The following SLIT1 variants were observed in gnomAD, a reference collection of about 807,000 sequenced individuals.
SLIT1 encodes slit guidance ligand 1, also known as slit homolog 1 protein.
In SLIT1, 66 loss-of-function variants were observed where a neutral mutation model predicts 186.1. The observed-to-expected ratio is 0.35, with a 90% CI of 0.29 to 0.44. The LOEUF is 0.44. Among genes scored for constraint, SLIT1 ranks in the 20% least tolerant of loss-of-function variants. The probability of loss-of-function intolerance (pLI) is 1.00; values close to 1 mark genes in which losing one functional copy is unlikely to be tolerated. For missense variants in SLIT1, 1,638 were observed against 2,037.4 expected (o/e 0.80, Z 3.77); for synonymous variants, 761 against 833.8 (o/e 0.91, Z 1.50).
At chr10:97,117,290 A>C (rs947726523) in intron 4 of SLIT1, among the ~76,000 whole-genome samples, 2 of 151,934 alleles carry the variant, frequency 1.3e-5, no homozygotes, top group Non-Finnish European at 2.9e-5. Context: ...TAAATTAAAA[A>C]AAATTACAGG....
intron 8 of SLIT1, among the ~76,000 whole-genome samples, chr10:97,061,823 G>T (rs1462237155): frequency 1.3e-5 from 2 of 152,172 alleles, no homozygotes; most frequent in Admixed American, 6.5e-5. Flanking sequence ...GAGCCTTAGT[G>T]GATCCTGCTA....
At chr10:97,071,338 G>T (rs1209419235) in intron 4 of SLIT1, among the ~76,000 whole-genome samples, 1 of 152,186 alleles carries the variant, frequency 6.6e-6, no homozygotes, top group Non-Finnish European at 1.5e-5. Flanking sequence ...GAGTCAGGAA[G>T]GCGGGACCTC....
chr10:97,084,449 C>T (rs2134657230), intron 4 of SLIT1, among the ~76,000 whole-genome samples: 1 of 152,342 alleles, frequency 6.6e-6, no homozygotes, highest in Middle Eastern at 3.4e-3. Flanking sequence ...GAGGGTTAAA[C>T]ACCATGGGCT....
At chr10:97,174,974 T>C (rs1850237494) in intron 1 of SLIT1, among the ~76,000 whole-genome samples, 1 of 152,248 alleles carries the variant, frequency 6.6e-6, no homozygotes, top group African/African-American at 2.4e-5. Context: ...TTAAAATGTA[T>C]ATATTCAGAT....
intron 1 of SLIT1, among the ~76,000 whole-genome samples, chr10:97,165,499 A>C (rs903312208): frequency 6.6e-6 from 1 of 152,124 alleles, no homozygotes; most frequent in African/African-American, 2.4e-5. Context: ...GAAGAACTGC[A>C]CACGACGGGG....
intron 13 of SLIT1, among the ~76,000 whole-genome samples, chr10:97,050,452 G>A (rs1411933786): frequency 1.3e-5 from 2 of 152,224 alleles, no homozygotes; most frequent in Non-Finnish European, 2.9e-5. Context: ...CTCCTTTGCA[G>A]TGTCTTTCCC....
intron 1 of SLIT1, among the ~76,000 whole-genome samples, chr10:97,180,063 G>T (rs1259789523): frequency 6.6e-6 from 1 of 152,078 alleles, no homozygotes; most frequent in Admixed American, 6.5e-5. Flanking sequence ...GGGCAGCCTG[G>T]GCCACCGACA....
Position 97,066,026 on chromosome 10 carries a change from G to T in SLIT1, c.474C>A (p.Asp158Glu). 1 of 1,603,732 alleles carries T rather than the reference G, an allele frequency of 6.2e-7. No individual in the cohort carries two copies. Among genetic ancestry groups the T allele is most frequent in the Non-Finnish European group, 8.5e-7 (1 of 1,174,172 alleles). The change falls in exon 5 of 37, where the codon GAC (aspartate) becomes GAA (glutamate). Residue 158 changes from aspartate (D) to glutamate (E), a missense_variant. Coordinates refer to ENST00000266058, the MANE Select transcript of SLIT1 (RefSeq NM_003061.3). ...AGGCCTGTACTCACAAATTTTTAAG[G>T]TCCGTAGCTCCCCGAAAAGCTTTCC... ...IPRKAFRGAT[D>E]LKNLQLDKNQ...
At chr10:97,045,509 T>C (rs886779824) in intron 18 of SLIT1, among the ~76,000 whole-genome samples, 5 of 152,242 alleles carry the variant, frequency 3.3e-5, no homozygotes, top group African/African-American at 4.8e-5. Flanking sequence ...TACCAACAAT[T>C]AACAGTGGTC....
chr10:97,124,545 G>C (rs112546239), intron 4 of SLIT1, among the ~76,000 whole-genome samples: 5 of 152,334 alleles, frequency 3.3e-5, no homozygotes, highest in South Asian at 2.1e-4. Flanking sequence ...ATGTACACTG[G>C]GGTGCGCACC....
intron 4 of SLIT1, among the ~76,000 whole-genome samples, chr10:97,067,992 C>T (rs1848965963): frequency 6.6e-6 from 1 of 152,188 alleles, no homozygotes; most frequent in Non-Finnish European, 1.5e-5. Flanking sequence ...ACGGTGTGCA[C>T]AGAGCCCTGA....
chr10:97,090,809 G>A (rs111374342), intron 4 of SLIT1, among the ~76,000 whole-genome samples: 55 of 152,344 alleles, frequency 3.6e-4, no homozygotes, highest in African/African-American at 8.9e-4. Context: ...GTCGTCCAGC[G>A]GGTGCTGGGC....
chr10:97,018,310 G>A (rs1848471541), intron 28 of SLIT1, among the ~76,000 whole-genome samples: 1 of 152,242 alleles, frequency 6.6e-6, no homozygotes, highest in Admixed American at 6.5e-5. Context: ...CCCACTCCAA[G>A]CCCTGCTCAA....
intron 4 of SLIT1, among the ~76,000 whole-genome samples, chr10:97,152,628 T>C (rs917661552): frequency 6.6e-6 from 1 of 152,210 alleles, no homozygotes; most frequent in Non-Finnish European, 1.5e-5. Context: ...AGGCATTTGC[T>C]TCACCTCAGA....
At chr10:97,031,755 G>A (rs1032666033) in intron 23 of SLIT1, 78 bp from the exon 24 acceptor site, 6 of 1,169,846 alleles carry the variant, frequency 5.1e-6, no homozygotes, top group Non-Finnish European at 7.4e-6. Context: ...CCAGGACGTG[G>A]AGGTCCCTCT....
chr10:97,125,533 C>CAAAA (rs34143370), intron 4 of SLIT1, among the ~76,000 whole-genome samples: 5 of 115,512 alleles, frequency 4.3e-5, no homozygotes, highest in East Asian at 2.5e-4. Context: ...GACCCTGTGT[C>CAAAA]AAAAAAAAAA....
intron 35 of SLIT1, 118 bp downstream of exon 35, chr10:97,002,586 T>G: frequency 1.9e-6 from 2 of 1,030,708 alleles, no homozygotes; most frequent in Non-Finnish European, 2.7e-6. Context: ...ATAAAAGTAA[T>G]AAAACCCTGG....
In SLIT1 at chr10:97,100,712, C is replaced by T. The variant is rs140303165; in HGVS notation, c.414-34626G>A. 6.9e-4 allele frequency among the ~76,000 whole-genome samples: 105 copies of T among 152,166 alleles called. 1 individual carries two copies. The highest frequency in any genetic ancestry group is 2.5e-3 in the African/African-American group (103 of 41,518). ...TAACAATAAAACCAATAATAAAAGT[C>T]AGTTCATTTTCATTAGCATCACACA... On this transcript the variant is annotated intron_variant, in intron 4 of 36. Coordinates refer to ENST00000266058, the MANE Select transcript of SLIT1 (RefSeq NM_003061.3).
At chr10:97,128,653 C>T (rs1201693379) in intron 4 of SLIT1, among the ~76,000 whole-genome samples, 1 of 152,274 alleles carries the variant, frequency 6.6e-6, no homozygotes, top group East Asian at 1.9e-4. Flanking sequence ...GAACCCAAAG[C>T]CTGGGCTGGC....
Sources: allele counts gnomAD v4.1 joint callset (sites outside exome capture counted in the v4.1 genomes callset), GRCh38; gene constraint gnomAD v4.1.1; transcripts MANE v1.5; gene names NCBI Gene and HGNC (gene_info 2026-07-23, HGNC 2026-07-21).